SPOCK1: variants seen among roughly 807,000 people sequenced by gnomAD.
The protein encoded by SPOCK1 is SPARC (osteonectin), cwcv and kazal like domains proteoglycan 1.
In SPOCK1, 23 loss-of-function variants were observed where a neutral mutation model predicts 55.3. That is an observed-to-expected ratio of 0.42 (90% confidence interval 0.30 to 0.59). SPOCK1 has a LOEUF of 0.59. Ranked by LOEUF, SPOCK1 falls within the 20% of genes least tolerant of loss-of-function variation. SPOCK1 has a pLI of 0.22. For synonymous variants in SPOCK1, 226 were observed against 221.0 expected, an observed-to-expected ratio of 1.02 and a Z score of -0.20; for missense variants, 499 against 552.5, an observed-to-expected ratio of 0.90 and a Z score of 0.97.
chr5:137,442,936 C>T (rs1753046847), intron 2 of SPOCK1, among the ~76,000 whole-genome samples: 1 of 152,156 alleles, frequency 6.6e-6, no homozygotes, highest in South Asian at 2.1e-4. Flanking sequence ...AGAAATGAGC[C>T]CAGTGGGCCT....
chr5:137,156,473 G>T (rs992861057), intron 3 of SPOCK1, among the ~76,000 whole-genome samples: 1 of 152,138 alleles, frequency 6.6e-6, no homozygotes, highest in African/African-American at 2.4e-5. Flanking sequence ...GGAGAATAGA[G>T]TTTACTCTGA....
chr5:137,224,626 A>G (rs1400293761), intron 3 of SPOCK1, among the ~76,000 whole-genome samples: 2 of 152,186 alleles, frequency 1.3e-5, no homozygotes, highest in Non-Finnish European at 2.9e-5. Flanking sequence ...TCAGAAGCTG[A>G]CTCTATTGAG....
At position 137,187,627 on chromosome 5, in the gene SPOCK1, G is replaced by A. The variant is rs548627040; in HGVS notation, c.233-46933C>T. On this transcript the variant is annotated intron_variant, in intron 3 of 10. Coordinates refer to ENST00000394945, the MANE Select transcript of SPOCK1 (RefSeq NM_004598.4). ...CTCATACATGTATGGAGTACCCAGC[G>A]TGTACCAGGCACTGTGCTGGGCACT... Among the ~76,000 whole-genome samples the A allele has an allele frequency of 1.1e-4, 17 of 152,242 alleles. No individual in the cohort carries two copies. In the South Asian group the frequency reaches 2.9e-3, roughly 26 times the overall value.
intron 2 of SPOCK1, among the ~76,000 whole-genome samples, chr5:137,480,403 A>G (rs1301995906): frequency 6.6e-6 from 1 of 151,772 alleles, no homozygotes; most frequent in East Asian, 1.9e-4. Context: ...CCCCAAGACA[A>G]TCAGTTCTAA....
chr5:137,392,959 C>T (rs1323157128), intron 2 of SPOCK1, among the ~76,000 whole-genome samples: 1 of 152,166 alleles, frequency 6.6e-6, no homozygotes, highest in Non-Finnish European at 1.5e-5. Context: ...CCTCTTTCTC[C>T]TAACACATGA....
At chr5:136,989,941 C>T (rs1181960493) in intron 7 of SPOCK1, among the ~76,000 whole-genome samples, 2 of 151,822 alleles carry the variant, frequency 1.3e-5, no homozygotes, top group African/African-American at 4.8e-5. Context: ...GACAGAGTCT[C>T]ACCCTGTTGC....
At chr5:137,221,449 A>G (rs1755844784) in intron 3 of SPOCK1, among the ~76,000 whole-genome samples, 3 of 152,214 alleles carry the variant, frequency 2.0e-5, no homozygotes, top group Admixed American at 2.0e-4. Context: ...TGTCCCAACA[A>G]AGCAAATAAA....
rs368891528 is a variant in SPOCK1 at position 137,363,400 on chromosome 5, C to T, written c.187-96345G>A. Reference sequence around the variant, plus strand: ...CTTACACATCCATAAGTCCGGAGTGCGGAGGCCAAGAAACAAACTGCAGCC... The same window carrying T: ...CTTACACATCCATAAGTCCGGAGTGTGGAGGCCAAGAAACAAACTGCAGCC... On this transcript the variant is annotated intron_variant, in intron 2 of 10. Coordinates refer to ENST00000394945, the MANE Select transcript of SPOCK1 (RefSeq NM_004598.4). Among the ~76,000 whole-genome samples the T allele has an allele frequency of 1.1e-3, 162 of 152,316 alleles. 1 individual carries two copies. The highest frequency in any genetic ancestry group is 3.7e-3 in the African/African-American group (153 of 41,568).
chr5:137,084,954 C>CAAAAAAAAA (rs10568473), intron 5 of SPOCK1, among the ~76,000 whole-genome samples: 40 of 114,238 alleles, frequency 3.5e-4, no homozygotes, highest in East Asian at 3.0e-3. Context: ...TTATACAAAG[C>CAAAAAAAAA]AAAAAAAAAA....
At chr5:137,076,503 A>G (rs1020120074) in intron 5 of SPOCK1, among the ~76,000 whole-genome samples, 1 of 152,070 alleles carries the variant, frequency 6.6e-6, no homozygotes, top group Non-Finnish European at 1.5e-5. Context: ...TGTACTCAGA[A>G]CACTCACATT....
chr5:137,469,091 G>A (rs1753679652), intron 2 of SPOCK1, among the ~76,000 whole-genome samples: 1 of 152,216 alleles, frequency 6.6e-6, no homozygotes, highest in Non-Finnish European at 1.5e-5. Context: ...GCTGGAAGTT[G>A]AAAGAACTGG....
At chr5:137,002,900 T>C (rs1298556561) in intron 6 of SPOCK1, among the ~76,000 whole-genome samples, 1 of 152,098 alleles carries the variant, frequency 6.6e-6, no homozygotes, top group South Asian at 2.1e-4. Context: ...ATTTTGCCTT[T>C]TGTTAATGTA....
At chr5:137,416,685 G>T (rs1752342783) in intron 2 of SPOCK1, among the ~76,000 whole-genome samples, 2 of 152,034 alleles carry the variant, frequency 1.3e-5, no homozygotes, top group Admixed American at 6.6e-5. Flanking sequence ...ATAAGAAACT[G>T]CCAAACACTT....
intron 2 of SPOCK1, among the ~76,000 whole-genome samples, chr5:137,380,266 T>C (rs1354019397): frequency 6.6e-6 from 1 of 152,210 alleles, no homozygotes. Context: ...TAAAAATGAA[T>C]GCAATGCAAC....
chr5:137,279,569 G>T (rs1222637191), intron 2 of SPOCK1, among the ~76,000 whole-genome samples: 1 of 152,192 alleles, frequency 6.6e-6, no homozygotes, highest in Non-Finnish European at 1.5e-5. Context: ...AGGCCGTGAA[G>T]CATGAGCCCA....
chr5:137,242,756 C>T (rs765428694), intron 3 of SPOCK1, among the ~76,000 whole-genome samples: 1 of 152,060 alleles, frequency 6.6e-6, no homozygotes, highest in Non-Finnish European at 1.5e-5. Context: ...CCAAAAAAAC[C>T]ATACAGTTGT....
chr5:137,254,521 T>C (rs1756597543), intron 3 of SPOCK1, among the ~76,000 whole-genome samples: 1 of 152,240 alleles, frequency 6.6e-6, no homozygotes, highest in African/African-American at 2.4e-5. Flanking sequence ...GATTTGCTAA[T>C]GTCTTTAAAT....
intron 5 of SPOCK1, among the ~76,000 whole-genome samples, chr5:137,083,751 C>A (rs577340722): frequency 7.2e-4 from 109 of 152,298 alleles, no homozygotes; most frequent in Non-Finnish European, 1.2e-3. Flanking sequence ...TTGGGACACA[C>A]ATCGCCCCCA....
rs1173775433 is a variant in SPOCK1, at chr5:136,976,215, GTAT to G, written c.*2436_*2438del. On this transcript the variant is annotated 3_prime_UTR_variant, in exon 11 of 11. Transcript: ENST00000394945. ...GTCATGTCAAAGTGAGGCATGAAAAGTATTATTAATGTGGCTCCATCGATTTGG... is the reference window on the plus strand; with the variant it reads ...GTCATGTCAAAGTGAGGCATGAAAAGTATTAATGTGGCTCCATCGATTTGG... 1 of 152,214 alleles carries G rather than the reference GTAT, an allele frequency of 6.6e-6. No homozygotes were observed. The highest frequency in any genetic ancestry group is 6.5e-5 in the Admixed American group (1 of 15,280). The allele number at this position is 152,214 out of a possible 1,614,324, so 9.4% of individuals were successfully genotyped here.
Sources: gnomAD v4.1 joint callset for allele counts (sites outside exome capture counted in the v4.1 genomes callset) on GRCh38, gnomAD v4.1.1 for gene constraint, MANE v1.5 for transcripts, NCBI Gene and HGNC (gene_info 2026-07-23, HGNC 2026-07-21) for gene names.